The following ANKRD36C variants were observed in gnomAD, a reference collection of about 807,000 sequenced individuals.
ANKRD36C encodes ankyrin repeat domain 36C, also known as ankyrin repeat domain-containing protein 36C.
ANKRD36C carries 61 observed loss-of-function variants against 276.4 expected under a neutral mutation model. That is an observed-to-expected ratio of 0.22 (90% CI 0.18 to 0.27). The LOEUF is 0.27. Ranked by LOEUF, ANKRD36C falls within the 10% of genes least tolerant of loss-of-function variation. The pLI is 1.00. For synonymous variants in ANKRD36C, 483 were observed against 680.1 expected (o/e 0.71, Z 4.51); for missense variants, 1,447 against 2,032.3 (o/e 0.71, Z 5.54).
At chr2:95,941,719 C>T (rs1677896915) in intron 19 of ANKRD36C, among the ~76,000 whole-genome samples, 1 of 152,304 alleles carries the variant, frequency 6.6e-6, no homozygotes, top group Non-Finnish European at 1.5e-5. Flanking sequence ...ATGTTTCTTT[C>T]GTGTAATGAG....
chr2:95,908,883 C>T (rs1676829761), intron 42 of ANKRD36C, among the ~76,000 whole-genome samples, 186 bp from the exon 47 acceptor site: 1 of 151,236 alleles, frequency 6.6e-6, no homozygotes, highest in Non-Finnish European at 1.5e-5. Flanking sequence ...ATACAGGCTC[C>T]ACGAAATATA....
rs528841499 is a variant in ANKRD36C at position 95,920,796 on chromosome 2, T to TA, written c.2245+810dup. Among the ~76,000 whole-genome samples the TA allele has an allele frequency of 1.5e-4, 22 of 149,972 alleles. No homozygotes were observed. In the South Asian group the frequency reaches 4.6e-3, roughly 31 times the overall value. On this transcript the variant is annotated intron_variant, in intron 34 of 66. Transcript: ENST00000456556. ...ATGATACTTCTTGGGAGTATCATGT[T>TA]AGTCTCTAAAGAAGTTTCATGAAAT... is the stretch of plus-strand genomic sequence containing the variant.
At chr2:95,931,108 T>A (rs1371598719) in intron 24 of ANKRD36C, among the ~76,000 whole-genome samples, 1 of 151,738 alleles carries the variant, frequency 6.6e-6, no homozygotes, top group African/African-American at 2.4e-5. Context: ...CCACATTAGT[T>A]TCTTCATTAT....
intron 61 of ANKRD36C, among the ~76,000 whole-genome samples, chr2:95,858,173 C>T (rs1346017426): frequency 6.6e-6 from 1 of 151,828 alleles, no homozygotes; most frequent in African/African-American, 2.4e-5. Flanking sequence ...ACCTTGGGCA[C>T]ATGTTCTCAG....
At chr2:95,910,427 C>G (rs1241287192) in intron 42 of ANKRD36C, 2 of 1,561,060 alleles carry the variant, frequency 1.3e-6, no homozygotes, top group South Asian at 1.2e-5. Context: ...AAAACAGAAT[C>G]TTCCTCGTCA....
chr2:95,857,812 T>G (rs1409006690), intron 61 of ANKRD36C, among the ~76,000 whole-genome samples: 1 of 146,566 alleles, frequency 6.8e-6, no homozygotes, highest in African/African-American at 2.4e-5. Context: ...TTTCCTTCCT[T>G]TCTATGCAGA....
intron 42 of ANKRD36C, 49 bp from the exon 45 acceptor site, chr2:95,910,617 G>C (rs1676887364): frequency 6.2e-7 from 1 of 1,601,216 alleles, no homozygotes. Flanking sequence ...ATATGACAAA[G>C]ATATCCATAC....
chr2:95,910,390 C>T (rs1309609062), intron 42 of ANKRD36C: 1 of 1,544,740 alleles, frequency 6.5e-7, no homozygotes, highest in African/African-American at 1.4e-5. Context: ...AGATTTTTCT[C>T]CATCCTTTTC....
intron 1 of ANKRD36C, among the ~76,000 whole-genome samples, chr2:95,988,571 T>A (rs1039328963): frequency 2.6e-5 from 4 of 152,110 alleles, no homozygotes; most frequent in Non-Finnish European, 5.9e-5. Context: ...TTATGCTTGA[T>A]GAATAACTGG....
chr2:95,980,465 C>A (rs915750861), intron 5 of ANKRD36C, among the ~76,000 whole-genome samples, 183 bp downstream of exon 5: 5 of 152,062 alleles, frequency 3.3e-5, no homozygotes, highest in African/African-American at 1.2e-4. Context: ...CTTACCTAGC[C>A]TTTTTCTTGA....
chr2:95,870,621 A>G (rs1238366357), intron 59 of ANKRD36C, among the ~76,000 whole-genome samples: 15 of 152,322 alleles, frequency 9.8e-5, no homozygotes. Flanking sequence ...TCCTCTTCCA[A>G]AGGAATGCAG....
At chr2:95,901,911 A>G (rs368236698) in intron 42 of ANKRD36C, among the ~76,000 whole-genome samples, 307 of 148,762 alleles carry the variant, frequency 2.1e-3, no homozygotes, top group Non-Finnish European at 2.6e-3. Context: ...ATCATCAATT[A>G]TCAACTTTGA....
At chr2:95,892,516 G>A (rs541154639) in intron 44 of ANKRD36C, among the ~76,000 whole-genome samples, 11 of 151,466 alleles carry the variant, frequency 7.3e-5, no homozygotes, top group African/African-American at 1.7e-4. Flanking sequence ...TCATCCAGTC[G>A]TGGCACCAAA....
rs576737569 is a variant in ANKRD36C, at chr2:95,950,134, A to T, written c.1295+615T>A. 2.4e-4 allele frequency among the ~76,000 whole-genome samples: 36 copies of T among 152,392 alleles called. No homozygotes were observed. The South Asian group carries it at 6.4e-3, about 27-fold the overall frequency. ...GCTAAATATAGTTAACATAACATGG[A>T]CTATATTTAGATATTCTCCAAGCAC... On this transcript the variant is annotated intron_variant, in intron 16 of 66. Transcript: ENST00000456556.
At chr2:95,982,443 G>C in intron 3 of ANKRD36C, 81 bp from the exon 4 acceptor site, 1 of 1,215,130 alleles carries the variant, frequency 8.2e-7, no homozygotes, top group Non-Finnish European at 1.2e-6. Context: ...AAGATCCTGT[G>C]AGCTTCAATA....
At chr2:95,928,478 A>G (rs1677470701) in intron 26 of ANKRD36C, among the ~76,000 whole-genome samples, 1 of 151,548 alleles carries the variant, frequency 6.6e-6, no homozygotes, top group South Asian at 2.1e-4. Flanking sequence ...TAGTTCTTGG[A>G]GCAGCCAAAA....
At position 95,897,077 on chromosome 2, in the gene ANKRD36C, A is replaced by G. The variant is rs1349838407; in HGVS notation, c.2755+2068T>C. On this transcript the variant is annotated intron_variant, in intron 44 of 66. Transcript: ENST00000456556. ...TCCCAATTTCAATATGGGGAAGTGT[A>G]TAATCTTACGGCGAAGATCACGTTC... Among the ~76,000 whole-genome samples the G allele has an allele frequency of 2.0e-5, 3 of 150,110 alleles. 1 individual carries two copies. The highest frequency in any genetic ancestry group is 4.5e-5 in the Non-Finnish European group (3 of 67,108).
At chr2:95,964,916 G>A (rs1310332763) in intron 6 of ANKRD36C, among the ~76,000 whole-genome samples, 1 of 151,854 alleles carries the variant, frequency 6.6e-6, no homozygotes, top group Non-Finnish European at 1.5e-5. Context: ...AGAGAAATGG[G>A]TTCTGAAATG....
rs566062493 is a variant in ANKRD36C at position 95,902,502 on chromosome 2, C to A, written c.2654-3166G>T. Among the ~76,000 whole-genome samples the A allele has an allele frequency of 3.0e-4, 45 of 150,654 alleles. 1 individual carries two copies. The South Asian group carries it at 4.0e-3, about 13-fold the overall frequency. The stretch of plus-strand genomic sequence containing the variant: ...TCCTAACAGTGTCTACGGGTTGTTA[C>A]AACAAGCTTTCTATCTTTTCTTGGC... On this transcript the variant is annotated intron_variant, in intron 42 of 66. Coordinates refer to ENST00000456556, the Ensembl canonical transcript of ANKRD36C.
Sources: gnomAD v4.1 joint callset for allele counts (sites outside exome capture counted in the v4.1 genomes callset) on GRCh38, gnomAD v4.1.1 for gene constraint, MANE v1.5 for transcripts, NCBI Gene and HGNC (gene_info 2026-07-23, HGNC 2026-07-21) for gene names.